Variants in PPIP5K2 observed in about 807,000 individuals in gnomAD.
The protein encoded by PPIP5K2 is diphosphoinositol pentakisphosphate kinase 2, also known as inositol hexakisphosphate and diphosphoinositol-pentakisphosphate kinase 2.
PPIP5K2 carries 105 observed loss-of-function variants against 154.6 expected under a neutral mutation model. The observed-to-expected ratio is 0.68, with a 90% CI of 0.58 to 0.80. The LOEUF is 0.80. Ranked by LOEUF, PPIP5K2 falls within the 30% of genes least tolerant of loss-of-function variation. PPIP5K2 has a pLI of 0.00. For synonymous variants in PPIP5K2, 480 were observed against 490.3 expected (o/e 0.98, Z 0.28); for missense variants, 992 against 1,504.6 (o/e 0.66, Z 5.64).
rs1396441050 is a variant in PPIP5K2 at position 103,205,029 on chromosome 5, A to G, written c.*3395A>G. ...CAGCCCCCCACCCACTGACAGGCCC[A>G]GTGTGTGATGTTCCCCGCCCTGTGT... On this transcript the variant is annotated 3_prime_UTR_variant, in exon 31 of 31. Transcript: ENST00000358359. The G allele has an allele frequency of 1.4e-5, 2 of 147,972 alleles. No individual in the cohort carries two copies. The highest frequency in any genetic ancestry group is 2.5e-5 in the African/African-American group (1 of 39,940). 9.2% of individuals were successfully genotyped at this position (147,972 alleles called of 1,614,324 possible).
chr5:103,182,158 G>A (rs1338560026), intron 24 of PPIP5K2, among the ~76,000 whole-genome samples: 1 of 152,030 alleles, frequency 6.6e-6, no homozygotes, highest in African/African-American at 2.4e-5. Context: ...TATTGAATAA[G>A]CAATCTATAG....
At chr5:103,131,741 A>G (rs1295235340) in intron 2 of PPIP5K2, among the ~76,000 whole-genome samples, 1 of 152,132 alleles carries the variant, frequency 6.6e-6, no homozygotes, top group Non-Finnish European at 1.5e-5. Context: ...CAAAGATGTG[A>G]CTATAGTTTT....
At chr5:103,177,832 T>G in intron 22 of PPIP5K2, 32 bp from the exon 23 acceptor site, 1 of 1,600,142 alleles carries the variant, frequency 6.2e-7, no homozygotes, top group Non-Finnish European at 8.6e-7. Context: ...TTAAAGTTTC[T>G]CATTTTGAAA....
intron 1 of PPIP5K2, among the ~76,000 whole-genome samples, chr5:103,121,524 C>T (rs574946034): frequency 1.4e-4 from 22 of 152,172 alleles, no homozygotes; most frequent in Non-Finnish European, 2.6e-4. Flanking sequence ...CCTGTTCTTC[C>T]TCGATTTCAA....
chr5:103,146,842 G>A (rs1793834008), intron 6 of PPIP5K2, among the ~76,000 whole-genome samples, 161 bp downstream of exon 6: 1 of 151,898 alleles, frequency 6.6e-6, no homozygotes, highest in Non-Finnish European at 1.5e-5. Flanking sequence ...GAAAAGCATG[G>A]CATCATTTTA....
At chr5:103,197,632 G>C (rs1554228974) in intron 30 of PPIP5K2, among the ~76,000 whole-genome samples, 1 of 134,562 alleles carries the variant, frequency 7.4e-6, no homozygotes, top group Non-Finnish European at 1.5e-5. Context: ...CTGGAGTGCA[G>C]TGGTGTGATC....
intron 2 of PPIP5K2, among the ~76,000 whole-genome samples, chr5:103,132,893 TAGG>T (rs1391913184): frequency 6.6e-6 from 1 of 152,122 alleles, no homozygotes; most frequent in East Asian, 1.9e-4. Flanking sequence ...CACCAATGAG[TAGG>T]AGTTTTGACT....
At position 103,144,708 on chromosome 5, in the gene PPIP5K2, T is replaced by G. The variant is rs1583278113; in HGVS notation, c.488-1819T>G. On this transcript the variant is annotated intron_variant, in intron 5 of 30. Coordinates refer to ENST00000358359, the MANE Select transcript of PPIP5K2 (RefSeq NM_001276277.3). ...TTCAGTAAGTAGTGTTGGGAAAACT[T>G]GATATCTATATCCAGAATCAAATTA... 2.0e-5 allele frequency among the ~76,000 whole-genome samples: 3 copies of G among 152,164 alleles called. No individual in the cohort carries two copies. In the East Asian group the frequency reaches 5.8e-4, roughly 29 times the overall value.
intron 5 of PPIP5K2, among the ~76,000 whole-genome samples, chr5:103,140,740 G>A (rs1228027109): frequency 1.3e-5 from 2 of 151,108 alleles, no homozygotes; most frequent in Non-Finnish European, 3.0e-5. Flanking sequence ...GGGAGGCTGA[G>A]GCAGGAGAAT....
chr5:103,177,576 C>A lies in PPIP5K2; in HGVS notation c.2530-91C>A. On this transcript the variant is annotated intron_variant, in intron 21 of 30. Transcript: ENST00000358359. ...TAAGTATTCACTTTATGTGGTATCA[C>A]TAGGATTAAACAAGCTACCATAGTG... 3.9e-6 allele frequency: 3 copies of A among 778,192 alleles called. No individual in the cohort carries two copies. In the South Asian group the frequency reaches 5.6e-5, roughly 14 times the overall value. The allele number at this position is 778,192 out of a possible 1,614,324, so 48.2% of individuals were successfully genotyped here. A position where few individuals can be genotyped will look rare whatever the true frequency, so the allele number is the denominator to read the frequency against.
intron 27 of PPIP5K2, 106 bp from the exon 28 acceptor site, chr5:103,187,208 A>G (rs1054265514): frequency 1.3e-6 from 1 of 775,590 alleles, no homozygotes; most frequent in Non-Finnish European, 2.1e-6. Context: ...TCCCTTCTGC[A>G]TGTCACCTTT....
At chr5:103,143,573 C>T (rs1793215125) in intron 5 of PPIP5K2, among the ~76,000 whole-genome samples, 1 of 152,176 alleles carries the variant, frequency 6.6e-6, no homozygotes, top group Non-Finnish European at 1.5e-5. Context: ...ATAGCAGAAG[C>T]AAGTCTTTAC....
intron 28 of PPIP5K2, chr5:103,188,571 G>C (rs1321193749): frequency 2.0e-5 from 3 of 152,132 alleles, no homozygotes; most frequent in African/African-American, 7.2e-5. Context: ...TTTGAAGAAA[G>C]TGATTCTTAT....
chr5:103,174,010 T>C (rs1204528488), intron 21 of PPIP5K2, 38 bp downstream of exon 21: 16 of 1,409,098 alleles, frequency 1.1e-5, no homozygotes, highest in Non-Finnish European at 1.6e-5. Flanking sequence ...ACAAATATAT[T>C]TAATTTTGTA....
chr5:103,156,876 A>G, intron 14 of PPIP5K2, among the ~76,000 whole-genome samples: 1 of 152,192 alleles, frequency 6.6e-6, no homozygotes, highest in East Asian at 1.9e-4. Context: ...GCAAAAATTA[A>G]TGATTATCTT....
chr5:103,151,131 A>C (rs1282797733), intron 8 of PPIP5K2, 122 bp from the exon 9 acceptor site: 1 of 678,366 alleles, frequency 1.5e-6, no homozygotes, highest in Non-Finnish European at 2.2e-6. Context: ...TATGAAGTAA[A>C]CCACTATATA....
Position 103,208,754 on chromosome 5 carries a change from T to A in PPIP5K2, c.*7120T>A, listed in dbSNP as rs1803649110. ...AGATTATGTCATCTATTTTGGAGTA[T>A]TTTGGTCTAATGACTTTGGCTGCGA... is the stretch of plus-strand genomic sequence containing the variant. On this transcript the variant is annotated 3_prime_UTR_variant, in exon 31 of 31. Transcript: ENST00000358359. 6.6e-6 allele frequency: 1 copy of A among 152,184 alleles called. No individual in the cohort carries two copies. Among genetic ancestry groups the A allele is most frequent in the Non-Finnish European group, 1.5e-5 (1 of 68,058 alleles). 9.4% of individuals were successfully genotyped at this position (152,184 alleles called of 1,614,324 possible).
chr5:103,167,261 C>T lies in PPIP5K2; in HGVS notation c.2003C>T (p.Ser668Phe), dbSNP rs782511162. ...GTGAAGACCTGTGATAAAGTTTATTCCTTAATTCAGAGTTTGACTTCTCAA... is the reference window on the plus strand; with the variant it reads ...GTGAAGACCTGTGATAAAGTTTATTTCTTAATTCAGAGTTTGACTTCTCAA... ...NPVKTCDKVY[S>F]LIQSLTSQIR... The change falls in exon 18 of 31, where the codon TCC (serine) becomes TTC (phenylalanine). Residue 668 changes from serine to phenylalanine, a missense_variant. Ser to Phe is a radical substitution (Grantham distance 155). This residue lies in a region of PPIP5K2 where 82 missense variants were observed against 91.8 expected (regional missense o/e 0.89). Coordinates refer to ENST00000358359, the MANE Select transcript of PPIP5K2 (RefSeq NM_001276277.3). The T allele has an allele frequency of 2.5e-6, 4 of 1,594,656 alleles. No individual in the cohort carries two copies. Among genetic ancestry groups the T allele is most frequent in the Non-Finnish European group, 3.4e-6 (4 of 1,170,142 alleles).
At position 103,168,123 on chromosome 5, in the gene PPIP5K2, C is replaced by G. The variant is rs782670257; in HGVS notation, c.2114C>G (p.Ser705Cys). The G allele has an allele frequency of 1.9e-5, 31 of 1,610,018 alleles. No homozygotes were observed. The highest frequency in any genetic ancestry group is 2.5e-5 in the Non-Finnish European group (29 of 1,177,454). ...ETLELMLRRW[S>C]KLEKDFKTKN... ...TTGGAGCTTATGCTACGTAGATGGT[C>G]CAAGTTAGAGAAAGACTTTAAAACA... Residue 705 changes from serine to cysteine, a missense_variant, in exon 19 of 31, where the codon TCC becomes TGC. Coordinates refer to ENST00000358359, the MANE Select transcript of PPIP5K2 (RefSeq NM_001276277.3).
Sources: gnomAD v4.1 joint callset for allele counts (sites outside exome capture counted in the v4.1 genomes callset) on GRCh38, gnomAD v4.1.1 for gene constraint, gnomAD v4.1.1 regional missense constraint, MANE v1.5 for transcripts, NCBI Gene and HGNC (gene_info 2026-07-23, HGNC 2026-07-21) for gene names.